CTNND2: variants seen among roughly 807,000 people sequenced by gnomAD.
The protein encoded by CTNND2 is catenin delta 2.
A neutral mutation model predicts 144.4 loss-of-function variants in CTNND2; 22 were observed. The ratio of observed to expected loss-of-function variants is 0.15; its 90% confidence interval spans 0.11 to 0.22. CTNND2 has a LOEUF of 0.22. Ranked by LOEUF, CTNND2 falls within the 10% of genes least tolerant of loss-of-function variation. The pLI, the probability that CTNND2 is intolerant of heterozygous loss-of-function variation, is 1.00. For synonymous variants in CTNND2, 751 were observed against 695.6 expected, an observed-to-expected ratio of 1.08 and a Z score of -1.25; for missense variants, 1,353 against 1,618.8, an observed-to-expected ratio of 0.84 and a Z score of 2.82.
chr5:11,811,186 A>C (rs1792312893), intron 1 of CTNND2, among the ~76,000 whole-genome samples: 2 of 152,178 alleles, frequency 1.3e-5, no homozygotes, highest in African/African-American at 4.8e-5. Context: ...TGCTAAGCTA[A>C]AATCTGACTC....
At chr5:11,232,508 T>G (rs1006727549) in intron 10 of CTNND2, among the ~76,000 whole-genome samples, 1 of 152,262 alleles carries the variant, frequency 6.6e-6, no homozygotes, top group African/African-American at 2.4e-5. Flanking sequence ...ATTGCCCTAT[T>G]GGATTTCGAG....
At chr5:11,781,051 G>C (rs762603194) in intron 1 of CTNND2, among the ~76,000 whole-genome samples, 3 of 152,166 alleles carry the variant, frequency 2.0e-5, no homozygotes, top group Non-Finnish European at 4.4e-5. Context: ...TCCTTTTAAA[G>C]GCACTGCTTT....
chr5:10,983,862 C>A (rs769413921), intron 20 of CTNND2, among the ~76,000 whole-genome samples: 6 of 152,188 alleles, frequency 3.9e-5, no homozygotes, highest in Admixed American at 1.3e-4. Context: ...AGGTTTGTTT[C>A]CTGCCTAAAA....
chr5:11,067,520 G>C (rs1422141135), intron 16 of CTNND2, among the ~76,000 whole-genome samples: 1 of 152,214 alleles, frequency 6.6e-6, no homozygotes, highest in African/African-American at 2.4e-5. Context: ...TTAGGTCCCA[G>C]AGGTTAGCCA....
At chr5:10,993,525 A>G (rs1418647022) in intron 18 of CTNND2, among the ~76,000 whole-genome samples, 2 of 152,190 alleles carry the variant, frequency 1.3e-5, no homozygotes, top group Admixed American at 6.5e-5. Flanking sequence ...ATTATAGCAA[A>G]GAAAAGCAGT....
At chr5:11,244,515 C>T (rs1337288369) in intron 9 of CTNND2, among the ~76,000 whole-genome samples, 1 of 152,108 alleles carries the variant, frequency 6.6e-6, no homozygotes, top group Non-Finnish European at 1.5e-5. Flanking sequence ...GAACTCCTGA[C>T]CTCAAGTGAT....
In CTNND2 at chr5:11,036,277, G is replaced by A. The variant is rs534946160; in HGVS notation, c.2789-13298C>T. ...AGAGTTCCTAATAACTTCTTTAACC[G>A]TTTTATTATAAATATTATCATTCTG... On this transcript the variant is annotated intron_variant, in intron 16 of 21. Coordinates refer to ENST00000304623, the MANE Select transcript of CTNND2 (RefSeq NM_001332.4). Among the ~76,000 whole-genome samples, 17 of 152,032 alleles carry A rather than the reference G, an allele frequency of 1.1e-4. No homozygotes were observed. The South Asian group carries it at 1.2e-3, about 11-fold the overall frequency.
chr5:11,610,148 C>T (rs1014532643), intron 2 of CTNND2, among the ~76,000 whole-genome samples: 12 of 152,152 alleles, frequency 7.9e-5, no homozygotes, highest in African/African-American at 2.9e-4. Context: ...AGATCAAAGC[C>T]GCTTGGCTGT....
intron 1 of CTNND2, among the ~76,000 whole-genome samples, chr5:11,877,541 C>T (rs2127064276): frequency 6.6e-6 from 1 of 152,206 alleles, no homozygotes; most frequent in East Asian, 1.9e-4. Flanking sequence ...AATATAAGCA[C>T]ATAATTTTTA....
rs35127513 is a variant in CTNND2, at chr5:11,044,545, C to CATAT, written c.2789-21570_2789-21567dup. Among the ~76,000 whole-genome samples the CATAT allele has an allele frequency of 8.3e-3, 1,217 of 146,706 alleles. 4 individuals carry two copies. The highest frequency in any genetic ancestry group is 0.032 in the Middle Eastern group (9 of 284). On this transcript the variant is annotated intron_variant, in intron 16 of 21. Transcript: ENST00000304623. ...CACATGCTTGCAAAAAAAAAAAATA[C>CATAT]ATATATATATATATATATAAATGGG...
chr5:11,803,126 C>T (rs370265930), intron 1 of CTNND2, among the ~76,000 whole-genome samples: 100 of 152,234 alleles, frequency 6.6e-4, no homozygotes, highest in Middle Eastern at 3.4e-3. Flanking sequence ...TCAAGACCAT[C>T]CTGGCTAACA....
At chr5:11,509,778 C>T (rs897220403) in intron 3 of CTNND2, among the ~76,000 whole-genome samples, 12 of 152,212 alleles carry the variant, frequency 7.9e-5, no homozygotes, top group African/African-American at 1.9e-4. Flanking sequence ...AACACAGACA[C>T]AGCTGTACCA....
intron 2 of CTNND2, among the ~76,000 whole-genome samples, chr5:11,698,212 A>C (rs1358164563): frequency 6.6e-6 from 1 of 152,152 alleles, no homozygotes; most frequent in African/African-American, 2.4e-5. Context: ...AATACTCCCC[A>C]ACCAAGCCCT....
At chr5:11,328,348 A>G (rs1159043102) in intron 9 of CTNND2, among the ~76,000 whole-genome samples, 1 of 148,144 alleles carries the variant, frequency 6.8e-6, no homozygotes, top group Admixed American at 6.8e-5. Context: ...GCTGGAGTGC[A>G]GTGGTGCCAT....
At chr5:11,060,435 TA>T (rs1746837598) in intron 16 of CTNND2, among the ~76,000 whole-genome samples, 14 of 152,028 alleles carry the variant, frequency 9.2e-5, no homozygotes, top group Admixed American at 9.2e-4. Context: ...ACCTGACAGA[TA>T]AAAATTTCAG....
chr5:11,731,987 T>A (rs940218716), intron 2 of CTNND2, 149 bp downstream of exon 2: 4 of 605,410 alleles, frequency 6.6e-6, no homozygotes, highest in African/African-American at 5.7e-5. Context: ...ATTATAACCA[T>A]ATTACAATAT....
At chr5:11,075,882 G>A (rs1313248950) in intron 16 of CTNND2, among the ~76,000 whole-genome samples, 1 of 152,198 alleles carries the variant, frequency 6.6e-6, no homozygotes, top group Non-Finnish European at 1.5e-5. Context: ...GAAAGAGACA[G>A]ACACAGACAT....
At chr5:11,257,291 C>T (rs1307709687) in intron 9 of CTNND2, among the ~76,000 whole-genome samples, 1 of 152,186 alleles carries the variant, frequency 6.6e-6, no homozygotes, top group Non-Finnish European at 1.5e-5. Flanking sequence ...GAATGATTAG[C>T]CATTGGCACA....
chr5:11,530,455 G>A (rs189470370), intron 3 of CTNND2, among the ~76,000 whole-genome samples: 3 of 152,276 alleles, frequency 2.0e-5, no homozygotes, highest in African/African-American at 7.2e-5. Flanking sequence ...TTCCAGCCCT[G>A]GGACATCTCC....
Sources: gnomAD v4.1 joint callset for allele counts (sites outside exome capture counted in the v4.1 genomes callset) on GRCh38, gnomAD v4.1.1 for gene constraint, MANE v1.5 for transcripts, NCBI Gene and HGNC (gene_info 2026-07-23, HGNC 2026-07-21) for gene names.